ELAVL1: variants seen among roughly 807,000 people sequenced by gnomAD.
ELAVL1 encodes ELAV-like protein 1.
ELAVL1 carries 1 observed loss-of-function variant against 28.4 expected under a neutral mutation model. The ratio of observed to expected loss-of-function variants is 0.04; its 90% CI spans 0.01 to 0.17. ELAVL1 has a LOEUF of 0.17. ELAVL1 is among the 10% of genes least tolerant of loss of function. The pLI, the probability that ELAVL1 is intolerant of heterozygous loss-of-function variation, is 1.00. For missense variants in ELAVL1, 157 were observed against 447.2 expected (o/e 0.35, Z 5.85); for synonymous variants, 174 against 183.5 (o/e 0.95, Z 0.42).
rs1984726580 is a variant in ELAVL1, at chr19:7,958,732, G to A, written c.*4751C>T. On this transcript the variant is annotated 3_prime_UTR_variant, in exon 6 of 6. Transcript: ENST00000407627. Reference sequence around the variant, plus strand: ...GCCACGCCCCAAACCGCATCACTCCGTACTTCAAAAATACGATTTTTTGAG... The same window carrying A: ...GCCACGCCCCAAACCGCATCACTCCATACTTCAAAAATACGATTTTTTGAG... 1.3e-5 allele frequency: 2 copies of A among 152,454 alleles called. No homozygotes were observed. The highest frequency in any genetic ancestry group is 2.9e-5 in the Non-Finnish European group (2 of 68,040). The allele number at this position is 152,454 out of a possible 1,614,324, so 9.4% of individuals were successfully genotyped here.
At chr19:7,967,479 C>T (rs916382705) in intron 5 of ELAVL1, 86 bp downstream of exon 5, 1 of 1,408,976 alleles carries the variant, frequency 7.1e-7, no homozygotes, top group African/African-American at 1.4e-5. Context: ...AGTCTATCAT[C>T]CCCGTGGTTT....
chr19:7,991,191 C>T (rs547330590), intron 2 of ELAVL1, among the ~76,000 whole-genome samples: 9 of 152,284 alleles, frequency 5.9e-5, no homozygotes, highest in Non-Finnish European at 8.8e-5. Context: ...ACAAGGTCCT[C>T]GGTGTTCTGC....
intron 1 of ELAVL1, among the ~76,000 whole-genome samples, chr19:8,001,635 T>TC: frequency 8.3e-6 from 1 of 120,424 alleles, no homozygotes; most frequent in East Asian, 3.1e-4. Flanking sequence ...TTAAAAAAAA[T>TC]TTTTTTTTTT....
chr19:7,971,677 G>A (rs946018367), intron 4 of ELAVL1, among the ~76,000 whole-genome samples: 5 of 152,210 alleles, frequency 3.3e-5, no homozygotes, highest in African/African-American at 2.4e-5. Flanking sequence ...CCTGTCCTTC[G>A]GCACTGCCCG....
chr19:8,000,152 C>G (rs896917582), intron 1 of ELAVL1, among the ~76,000 whole-genome samples: 1 of 152,022 alleles, frequency 6.6e-6, no homozygotes, highest in Non-Finnish European at 1.5e-5. Flanking sequence ...TAACTCCTGA[C>G]GTCAAGTGAT....
rs1361380207 is a variant in ELAVL1 at position 7,960,241 on chromosome 19, T to G, written c.*3242A>C. The G allele has an allele frequency of 6.6e-6, 1 of 152,190 alleles. No homozygotes were observed. Among genetic ancestry groups the G allele is most frequent in the Non-Finnish European group, 1.5e-5 (1 of 68,036 alleles). The allele number at this position is 152,190 out of a possible 1,614,324, so 9.4% of individuals were successfully genotyped here. A position where few individuals can be genotyped will look rare whatever the true frequency, so the allele number is the denominator to read the frequency against. ...TCTTGGCTCCCAACAGCAGCACGGT[T>G]CAGTCCCTGGAGGCTGGGTCTCCAG... is the stretch of plus-strand genomic sequence containing the variant. On this transcript the variant is annotated 3_prime_UTR_variant, in exon 6 of 6. Coordinates refer to ENST00000407627, the MANE Select transcript of ELAVL1 (RefSeq NM_001419.3).
intron 1 of ELAVL1, among the ~76,000 whole-genome samples, chr19:8,000,480 T>C (rs1009287178): frequency 9.9e-5 from 15 of 152,196 alleles, no homozygotes; most frequent in Non-Finnish European, 2.1e-4. Context: ...CTAAACCACT[T>C]GAGCCAGAGC....
chr19:7,963,538 C>T lies in ELAVL1; in HGVS notation c.926G>A (p.Arg309His), dbSNP rs1414902866. ...AACCTGTAAGATTTTGTCCCCCAGG[C>T]GGTAGCCGTTCAGGCTGGCTATGGC... ...AMAIASLNGYRLGDKILQVSF... is the reference protein window; with the variant it reads ...AMAIASLNGYHLGDKILQVSF... Residue 309 changes from arginine to histidine, a missense_variant, in exon 6 of 6, where the codon CGC (arginine) becomes CAC (histidine). Physicochemically the swap from Arg to His is conservative, Grantham distance 29 (BLOSUM62 0). Coordinates refer to ENST00000407627, the MANE Select transcript of ELAVL1 (RefSeq NM_001419.3). The surrounding 1 kb of genome is among the most constrained non-coding windows in gnomAD (Gnocchi z 4.5). 5 of 1,613,958 alleles carry T rather than the reference C, an allele frequency of 3.1e-6. No homozygotes were observed. Among genetic ancestry groups the T allele is most frequent in the Admixed American group, 1.7e-5 (1 of 60,022 alleles).
At chr19:7,966,961 T>C (rs1984971627) in intron 5 of ELAVL1, among the ~76,000 whole-genome samples, 1 of 151,810 alleles carries the variant, frequency 6.6e-6, no homozygotes, top group African/African-American at 2.4e-5. Context: ...CTGCTGTTAC[T>C]AGGAACTGCG....
At chr19:8,003,156 G>A (rs919278824) in intron 1 of ELAVL1, among the ~76,000 whole-genome samples, 65 of 151,586 alleles carry the variant, frequency 4.3e-4, no homozygotes, top group South Asian at 8.3e-4. Context: ...AGGAGGCCAA[G>A]GCGGGTGGAT....
intron 4 of ELAVL1, among the ~76,000 whole-genome samples, chr19:7,968,469 A>C (rs557095679): frequency 6.6e-6 from 1 of 152,364 alleles, no homozygotes; most frequent in Admixed American, 6.5e-5. Context: ...TTGCCATCAG[A>C]ATCAAATGAG....
At chr19:8,001,992 C>A (rs1472088509) in intron 1 of ELAVL1, 25 of 1,258,308 alleles carry the variant, frequency 2.0e-5, no homozygotes, top group Non-Finnish European at 2.6e-5. Context: ...TGTCTCCCCC[C>A]AGCCTCTCCA....
rs969403761 is a variant in ELAVL1, at chr19:7,979,691, G to T, written c.276+1392C>A. ...CCCCCACCGGGGAAGGTGCCTCTGA[G>T]GACCTGCACTGGACACGAGGAGGCA... On this transcript the variant is annotated intron_variant, in intron 3 of 5. Coordinates refer to ENST00000407627, the MANE Select transcript of ELAVL1 (RefSeq NM_001419.3). This position sits in a 1 kb window ranked among gnomAD's most constrained non-coding sequence, Gnocchi z 5.4. Among the ~76,000 whole-genome samples the T allele has an allele frequency of 3.3e-5, 5 of 152,228 alleles. No individual in the cohort carries two copies. The highest frequency in any genetic ancestry group is 7.2e-5 in the African/African-American group (3 of 41,464).
chr19:7,966,089 T>G (rs1984949392), intron 5 of ELAVL1, among the ~76,000 whole-genome samples: 1 of 152,070 alleles, frequency 6.6e-6, no homozygotes, highest in Non-Finnish European at 1.5e-5. Flanking sequence ...CCCAGTACGT[T>G]GGGAGGCTGA....
At chr19:8,000,855 G>A (rs1411601449) in intron 1 of ELAVL1, among the ~76,000 whole-genome samples, 5 of 152,242 alleles carry the variant, frequency 3.3e-5, no homozygotes, top group Non-Finnish European at 7.3e-5. Flanking sequence ...AGGTGTGGCT[G>A]GCCTGTGGCC....
At chr19:7,977,840 G>A (rs1469141244) in intron 3 of ELAVL1, among the ~76,000 whole-genome samples, 1 of 152,260 alleles carries the variant, frequency 6.6e-6, no homozygotes, top group Non-Finnish European at 1.5e-5. Flanking sequence ...GAGCGGGGCA[G>A]AGGCTTGGGG....
chr19:8,002,110 T>C (rs1568318542), intron 1 of ELAVL1: 1 of 1,289,278 alleles, frequency 7.8e-7, no homozygotes, highest in African/African-American at 1.5e-5. Flanking sequence ...CTGCCACCAC[T>C]ACCCATCTCA....
rs774642905 is a variant in ELAVL1, at chr19:7,981,104, C to T, written c.255G>A (p.Arg85=). 10 of 1,614,154 alleles carry T rather than the reference C, an allele frequency of 6.2e-6. No individual in the cohort carries two copies. In the South Asian group the frequency reaches 9.9e-5, roughly 16 times the overall value. The change falls in exon 3 of 6, where the codon AGG becomes AGA. Residue 85 remains arginine (R), a synonymous_variant. Transcript: ENST00000407627. This position sits in a 1 kb window ranked among gnomAD's most constrained non-coding sequence, Gnocchi z 4.2. ...TTACCTTAATGGTTTTTGACTGGAG[C>T]CTCAAGCCGTTCAGCGTGTTGATCG... ...ERAINTLNGL[R]LQSKTIKVSY...
At chr19:8,004,193 C>A (rs1322516473) in intron 1 of ELAVL1, among the ~76,000 whole-genome samples, 1 of 152,254 alleles carries the variant, frequency 6.6e-6, no homozygotes, top group African/African-American at 2.4e-5. Context: ...TGTACAACAT[C>A]ATTTATTCAG....
Sources: allele counts gnomAD v4.1 joint callset (sites outside exome capture counted in the v4.1 genomes callset), GRCh38; gene constraint gnomAD v4.1.1; non-coding constraint Gnocchi (gnomAD v3.1); transcripts MANE v1.5; gene names NCBI Gene and HGNC (gene_info 2026-07-23, HGNC 2026-07-21).